PTPRT: variants seen among roughly 807,000 people sequenced by gnomAD.
PTPRT encodes the protein receptor-type tyrosine-protein phosphatase T.
A neutral mutation model predicts 176.8 loss-of-function variants in PTPRT; 56 were observed. The observed-to-expected ratio is 0.32, with a 90% CI of 0.26 to 0.40. The LOEUF (loss-of-function observed/expected upper bound fraction) is 0.40. Ranked by LOEUF, PTPRT falls within the 10% of genes least tolerant of loss-of-function variation. PTPRT has a pLI of 1.00. For missense variants in PTPRT, 1,540 were observed against 1,908.2 expected (o/e 0.81, Z 3.60); for synonymous variants, 783 against 739.0 (o/e 1.06, Z -0.96).
intron 1 of PTPRT, among the ~76,000 whole-genome samples, chr20:43,028,682 T>C (rs1302993202): frequency 6.6e-6 from 1 of 152,198 alleles, no homozygotes; most frequent in Non-Finnish European, 1.5e-5. Flanking sequence ...TCCTTTGTCC[T>C]GGGCATCCGA....
intron 1 of PTPRT, among the ~76,000 whole-genome samples, chr20:43,184,309 C>T (rs1020816910): frequency 7.2e-5 from 11 of 152,282 alleles, no homozygotes; most frequent in Non-Finnish European, 5.9e-5. Flanking sequence ...TCTGAAGGTG[C>T]ATCTGATGGG....
At chr20:42,488,170 C>T (rs144168654) in intron 7 of PTPRT, among the ~76,000 whole-genome samples, 2 of 152,268 alleles carry the variant, frequency 1.3e-5, no homozygotes, top group Admixed American at 1.3e-4. Flanking sequence ...CTGTTTGCTT[C>T]TTACTCATCA....
chr20:42,336,492 G>T (rs142641211), intron 11 of PTPRT, among the ~76,000 whole-genome samples: 2 of 152,260 alleles, frequency 1.3e-5, no homozygotes, highest in African/African-American at 4.8e-5. Flanking sequence ...CCAACTATGT[G>T]TATTTGTTAC....
chr20:42,992,618 G>A (rs1983981474), intron 1 of PTPRT, among the ~76,000 whole-genome samples: 1 of 152,254 alleles, frequency 6.6e-6, no homozygotes, highest in South Asian at 2.1e-4. Context: ...GAAATCGGAG[G>A]ATTGGAAGAT....
intron 17 of PTPRT, among the ~76,000 whole-genome samples, chr20:42,151,179 G>T (rs1568972950): frequency 6.6e-6 from 1 of 150,890 alleles, no homozygotes; most frequent in Non-Finnish European, 1.5e-5. Flanking sequence ...TACATGTGCA[G>T]AACGTGCAGG....
intron 17 of PTPRT, among the ~76,000 whole-genome samples, chr20:42,153,696 G>C (rs952876609): frequency 7.2e-5 from 11 of 151,966 alleles, no homozygotes; most frequent in Non-Finnish European, 1.0e-4. Flanking sequence ...CTCACTTCAG[G>C]CTACAGACTT....
intron 1 of PTPRT, among the ~76,000 whole-genome samples, chr20:42,982,344 T>G (rs1159384966): frequency 6.6e-6 from 1 of 152,040 alleles, no homozygotes; most frequent in Non-Finnish European, 1.5e-5. Flanking sequence ...TAGACCTTAA[T>G]AGAGTAAACA....
rs562247206 is a variant in PTPRT, at chr20:42,078,479, T to C, written c.*2400A>G. 1.5e-5 allele frequency: 3 copies of C among 206,820 alleles called. No individual in the cohort carries two copies. The highest frequency in any genetic ancestry group is 4.6e-5 in the African/African-American group (2 of 43,880). 12.8% of individuals were successfully genotyped at this position (206,820 alleles called of 1,614,324 possible). ...AACAATGAGCAGACAGACAAATAGA[T>C]GTGATATTAAAAAGTGCACGCTTAA... On this transcript the variant is annotated 3_prime_UTR_variant, in exon 31 of 31. Coordinates refer to ENST00000373187, the MANE Select transcript of PTPRT (RefSeq NM_007050.6).
chr20:42,158,078 G>C (rs576284666), intron 17 of PTPRT, among the ~76,000 whole-genome samples: 1 of 152,344 alleles, frequency 6.6e-6, no homozygotes, highest in South Asian at 2.1e-4. Context: ...GGTTGTCCCT[G>C]TTGTACCCTG....
At chr20:42,090,190 T>C (rs1009017837) in intron 27 of PTPRT, among the ~76,000 whole-genome samples, 4 of 152,192 alleles carry the variant, frequency 2.6e-5, no homozygotes, top group Non-Finnish European at 4.4e-5. Context: ...GCTGTGATTA[T>C]TAGGCAGTAT....
Position 42,110,325 on chromosome 20 carries a change from T to G in PTPRT, c.3254+8A>C. On this transcript the variant is annotated splice_region_variant and intron_variant, in intron 23 of 30. Coordinates refer to ENST00000373187, the MANE Select transcript of PTPRT (RefSeq NM_007050.6). ...TCGGCCTCCCAAGGTGAAGGACCTT[T>G]GACTTACCTGCAGTGGACCACTATG... is the stretch of plus-strand genomic sequence containing the variant. The G allele has an allele frequency of 1.2e-6, 2 of 1,600,492 alleles. No individual in the cohort carries two copies. Among genetic ancestry groups the G allele is most frequent in the Non-Finnish European group, 1.7e-6 (2 of 1,171,108 alleles).
intron 1 of PTPRT, among the ~76,000 whole-genome samples, chr20:42,946,165 A>C (rs1980871267): frequency 6.6e-6 from 1 of 152,154 alleles, no homozygotes; most frequent in Non-Finnish European, 1.5e-5. Context: ...CCTCAGACCC[A>C]CTAAGAAATG....
chr20:42,690,214 G>A (rs1410503656), intron 6 of PTPRT, among the ~76,000 whole-genome samples: 2 of 152,242 alleles, frequency 1.3e-5, no homozygotes, highest in East Asian at 3.9e-4. Context: ...GGTCAAAAGT[G>A]ACCTGATCAG....
chr20:42,454,454 A>T (rs973239047), intron 8 of PTPRT, among the ~76,000 whole-genome samples: 3 of 152,184 alleles, frequency 2.0e-5, no homozygotes, highest in African/African-American at 7.2e-5. Context: ...CACTGCCCCA[A>T]GCAATGTTCT....
At chr20:42,783,730 A>T (rs2077248620) in intron 3 of PTPRT, among the ~76,000 whole-genome samples, 1 of 152,160 alleles carries the variant, frequency 6.6e-6, no homozygotes, top group Admixed American at 6.5e-5. Flanking sequence ...CTCTGACCCA[A>T]GCACACTCTC....
At chr20:42,895,974 C>A (rs1315149730) in intron 1 of PTPRT, among the ~76,000 whole-genome samples, 1 of 152,128 alleles carries the variant, frequency 6.6e-6, no homozygotes, top group Admixed American at 6.5e-5. Context: ...GACTCGATTG[C>A]AGAATGTTTC....
chr20:42,638,905 G>T (rs1472593148), intron 7 of PTPRT, among the ~76,000 whole-genome samples: 1 of 151,914 alleles, frequency 6.6e-6, no homozygotes, highest in Non-Finnish European at 1.5e-5. Flanking sequence ...GAATTAAAAT[G>T]GCAGAGCCAA....
At chr20:42,195,880 A>G (rs1244128094) in intron 16 of PTPRT, among the ~76,000 whole-genome samples, 1 of 152,198 alleles carries the variant, frequency 6.6e-6, no homozygotes, top group Non-Finnish European at 1.5e-5. Context: ...TAAAACATCT[A>G]ATTAGATTTC....
At chr20:42,336,869 GT>G (rs2058047894) in intron 11 of PTPRT, among the ~76,000 whole-genome samples, 1 of 152,186 alleles carries the variant, frequency 6.6e-6, no homozygotes, top group Non-Finnish European at 1.5e-5. Context: ...AGTCCCTGAT[GT>G]GTTTAGACTA....
Sources: allele counts gnomAD v4.1 joint callset (sites outside exome capture counted in the v4.1 genomes callset), GRCh38; gene constraint gnomAD v4.1.1; transcripts MANE v1.5; gene names NCBI Gene and HGNC (gene_info 2026-07-23, HGNC 2026-07-21).